The following USH2A variants were observed in gnomAD, a reference collection of about 807,000 sequenced individuals.
USH2A encodes the protein usherin.
In USH2A, 443 loss-of-function variants were observed where a neutral mutation model predicts 538.9. The ratio of observed to expected loss-of-function variants is 0.82; its 90% CI spans 0.76 to 0.89. The LOEUF (loss-of-function observed/expected upper bound fraction) is 0.89, where lower values mean the gene tolerates loss of function less well. Ranked by LOEUF, USH2A falls within the 40% of genes least tolerant of loss-of-function variation. The pLI, the probability that USH2A is intolerant of heterozygous loss-of-function variation, is 0.00. For missense variants in USH2A, 6,633 were observed against 6,324.8 expected (o/e 1.05, Z -1.65); for synonymous variants, 2,413 against 2,273.5 (o/e 1.06, Z -1.75).
chr1:216,008,387 T>G (rs1668457737), intron 32 of USH2A, among the ~76,000 whole-genome samples: 1 of 151,746 alleles, frequency 6.6e-6, no homozygotes, highest in Non-Finnish European at 1.5e-5. Flanking sequence ...AACCCCCCTT[T>G]GACTGTAATT....
intron 36 of USH2A, among the ~76,000 whole-genome samples, chr1:215,966,989 T>TA (rs1667362487): frequency 6.6e-6 from 1 of 152,210 alleles, no homozygotes; most frequent in African/African-American, 2.4e-5. Flanking sequence ...TGCTCTGACC[T>TA]GGTCTTTCTT....
At chr1:216,234,773 C>A (rs1262814757) in intron 13 of USH2A, among the ~76,000 whole-genome samples, 1 of 152,022 alleles carries the variant, frequency 6.6e-6, no homozygotes, top group Non-Finnish European at 1.5e-5. Flanking sequence ...ATTAGATAAA[C>A]CTGTAAGTAC....
intron 32 of USH2A, among the ~76,000 whole-genome samples, chr1:216,013,136 A>T (rs1016089589): frequency 2.6e-5 from 4 of 152,010 alleles, no homozygotes; most frequent in African/African-American, 9.7e-5. Flanking sequence ...TCGTCCCAAT[A>T]CTTAGACCTT....
At chr1:215,695,102 C>T (rs933101783) in intron 61 of USH2A, among the ~76,000 whole-genome samples, 5 of 152,080 alleles carry the variant, frequency 3.3e-5, no homozygotes, top group Admixed American at 3.3e-4. Flanking sequence ...TTTCCCTGCC[C>T]CTAAATAGAG....
chr1:216,188,802 A>G (rs1296677673), intron 20 of USH2A, among the ~76,000 whole-genome samples: 7 of 151,960 alleles, frequency 4.6e-5, no homozygotes. Flanking sequence ...CAACCCTGAG[A>G]GGATGTGATT....
At position 215,739,507 on chromosome 1, in the gene USH2A, A is replaced by G. The variant is rs112921796; in HGVS notation, c.11711+1868T>C. On this transcript the variant is annotated intron_variant, in intron 60 of 71. Coordinates refer to ENST00000307340, the MANE Select transcript of USH2A (RefSeq NM_206933.4). ...TACTCTATTTCCCTTTATTCTGAAT[A>G]GGAATTTGATGTGCTTTTCTCATGC... Among the ~76,000 whole-genome samples the G allele has an allele frequency of 4.6e-3, 702 of 152,312 alleles. 11 individuals carry two copies. The highest frequency in any genetic ancestry group is 0.015 in the African/African-American group (644 of 41,576).
chr1:216,173,258 A>C lies in USH2A; in HGVS notation c.4627+1994T>G, dbSNP rs535559141. Among the ~76,000 whole-genome samples the C allele has an allele frequency of 9.2e-5, 14 of 152,290 alleles. No homozygotes were observed. The South Asian group carries it at 2.9e-3, about 32-fold the overall frequency. ...ACAACTCAATAAAATCATTCAGCCA[A>C]ACCTGGCAAGTCAGCCAAAGGATCA... On this transcript the variant is annotated intron_variant, in intron 21 of 71. Coordinates refer to ENST00000307340, the MANE Select transcript of USH2A (RefSeq NM_206933.4).
chr1:215,866,955 A>G (rs1664485141), intron 44 of USH2A, 52 bp downstream of exon 44: 1 of 1,612,418 alleles, frequency 6.2e-7, no homozygotes, highest in African/African-American at 1.3e-5. Context: ...AAGAAAGAAT[A>G]TGCTTTTAAA....
chr1:215,640,412 G>A, intron 68 of USH2A, 146 bp downstream of exon 68: 1 of 1,013,056 alleles, frequency 9.9e-7, no homozygotes, highest in South Asian at 1.4e-5. Context: ...TATTTATCCT[G>A]AGCAGTAACT....
intron 4 of USH2A, among the ~76,000 whole-genome samples, chr1:216,340,301 A>T (rs2038052301): frequency 6.6e-6 from 1 of 152,068 alleles, no homozygotes; most frequent in Non-Finnish European, 1.5e-5. Context: ...GGAAAAGTCG[A>T]ATCCCTGAAT....
chr1:215,743,408 G>GC, intron 58 of USH2A, 73 bp from the exon 59 acceptor site: 1 of 474,528 alleles, frequency 2.1e-6, no homozygotes, highest in Non-Finnish European at 3.3e-6. Flanking sequence ...GTGTGTGTGT[G>GC]TGTGTGTGTA....
chr1:216,033,920 A>G (rs2102513893), intron 32 of USH2A, among the ~76,000 whole-genome samples: 1 of 152,312 alleles, frequency 6.6e-6, no homozygotes, highest in Non-Finnish European at 1.5e-5. Context: ...TTTGTTTGGG[A>G]AAAAGAATGA....
At chr1:215,853,192 A>C (rs2102829276) in intron 44 of USH2A, among the ~76,000 whole-genome samples, 1 of 152,136 alleles carries the variant, frequency 6.6e-6, no homozygotes, top group South Asian at 2.1e-4. Flanking sequence ...TCAAATCTTG[A>C]CTTCTGTGCA....
chr1:215,768,634 A>G (rs1044335577), intron 55 of USH2A, among the ~76,000 whole-genome samples: 14 of 152,216 alleles, frequency 9.2e-5, no homozygotes, highest in Non-Finnish European at 2.9e-5. Context: ...GTTTGATAAA[A>G]GCTCATCGGA....
At chr1:215,901,630 T>G (rs942792796) in intron 38 of USH2A, among the ~76,000 whole-genome samples, 2 of 152,154 alleles carry the variant, frequency 1.3e-5, no homozygotes, top group Admixed American at 1.3e-4. Context: ...CTGTTCTGAC[T>G]TCAACATACC....
At chr1:216,230,246 A>T (rs1373860137) in intron 14 of USH2A, among the ~76,000 whole-genome samples, 2 of 152,162 alleles carry the variant, frequency 1.3e-5, no homozygotes, top group African/African-American at 4.8e-5. Context: ...GTAGAATATT[A>T]TTTCAAAAAA....
chr1:216,176,899 C>G, intron 20 of USH2A, among the ~76,000 whole-genome samples: 1 of 152,094 alleles, frequency 6.6e-6, no homozygotes, highest in East Asian at 1.9e-4. Context: ...AAATAATATT[C>G]CCTTGTCTGG....
At chr1:216,384,223 T>C (rs2038966603) in intron 3 of USH2A, among the ~76,000 whole-genome samples, 1 of 151,870 alleles carries the variant, frequency 6.6e-6, no homozygotes, top group South Asian at 2.1e-4. Context: ...TTTTTACATA[T>C]AATTTCTAAA....
At chr1:215,992,932 T>A in intron 35 of USH2A, 88 bp downstream of exon 35, 1 of 1,577,078 alleles carries the variant, frequency 6.3e-7, no homozygotes, top group Non-Finnish European at 8.7e-7. Flanking sequence ...TCATTAAAAA[T>A]TAAGCACCAC....
Sources: allele counts gnomAD v4.1 joint callset (sites outside exome capture counted in the v4.1 genomes callset), GRCh38; gene constraint gnomAD v4.1.1; transcripts MANE v1.5; gene names NCBI Gene and HGNC (gene_info 2026-07-23, HGNC 2026-07-21).